The following PRAMEF1 variants were observed in gnomAD, a reference collection of about 807,000 sequenced individuals.
PRAMEF1 encodes the protein PRAME family member 1.
Under a neutral mutation model 38.2 loss-of-function variants are expected in PRAMEF1, and 21 were observed. The observed-to-expected ratio is 0.55, with a 90% CI of 0.39 to 0.79. The LOEUF (loss-of-function observed/expected upper bound fraction) is 0.79. Ranked by LOEUF, PRAMEF1 falls within the 30% of genes least tolerant of loss-of-function variation. The pLI is 0.00. For synonymous variants in PRAMEF1, 200 were observed against 229.0 expected (o/e 0.87, Z 1.14); for missense variants, 497 against 565.8 (o/e 0.88, Z 1.23).
chr1:12,793,641 G>A, intron 2 of PRAMEF1, 127 bp downstream of exon 2: 1 of 1,555,798 alleles, frequency 6.4e-7, no homozygotes, highest in Non-Finnish European at 8.7e-7. Context: ...GAAGATCAGG[G>A]AGGCTTTGGC....
At position 12,794,290 on chromosome 1, in the gene PRAMEF1, A is replaced by G; in HGVS notation, c.663A>G (p.Ile221Met). The G allele has an allele frequency of 1.2e-6, 2 of 1,612,088 alleles. No individual in the cohort carries two copies. ...EIRNMSWPRL[I>M]RKLRCYLKEM... ...GCAACATGTCCTGGCCACGTCTGATAAGAAAGCTTCGTTGTTACCTGAAGG... is the reference window on the plus strand; with the variant it reads ...GCAACATGTCCTGGCCACGTCTGATGAGAAAGCTTCGTTGTTACCTGAAGG... Residue 221 changes from isoleucine (I) to methionine (M), a missense_variant, in exon 3 of 4, where the codon ATA (isoleucine) becomes ATG (methionine). Ile to Met is a conservative substitution (Grantham distance 10). Transcript: ENST00000332296.
Position 12,793,153 on chromosome 1 carries a change from G to T in PRAMEF1, c.-25-50G>T, listed in dbSNP as rs1201366090. 6.2e-5 allele frequency: 99 copies of T among 1,587,822 alleles called. 6 individuals are homozygous for T. Among genetic ancestry groups the T allele is most frequent in the Non-Finnish European group, 8.0e-5 (93 of 1,165,140 alleles). On this transcript the variant is annotated intron_variant, in intron 1 of 3. Coordinates refer to ENST00000332296, the MANE Select transcript of PRAMEF1 (RefSeq NM_023013.4). Reference sequence around the variant, plus strand: ...CTTCCTGGTACCAGTAGAAGCAGATGATTGTCTTTGCCCTGAGAGTGACAC... The same window carrying T: ...CTTCCTGGTACCAGTAGAAGCAGATTATTGTCTTTGCCCTGAGAGTGACAC...
rs369890702 is a variant in PRAMEF1 at position 12,793,395 on chromosome 1, T to G, written c.168T>G (p.Val56=). The G allele has an allele frequency of 3.7e-4, 594 of 1,609,776 alleles. 29 individuals are homozygous for G. The African/African-American group carries it at 4.8e-3, about 13-fold the overall frequency. ...ACTTCCAGACTCTGACGGTGATGGT[T>G]CAGGCCTGGCCCTTCACCTGCCTCC... The part of the protein sequence containing the change: ...RRHFQTLTVM[V]QAWPFTCLPL... The change falls in exon 2 of 4, where the codon GTT becomes GTG. Residue 56 remains valine, a synonymous_variant. Coordinates refer to ENST00000332296, the MANE Select transcript of PRAMEF1 (RefSeq NM_023013.4).
rs545992781 is a variant in PRAMEF1, at chr1:12,794,384, G to A, written c.757G>A (p.Gly253Arg). Residue 253 changes from glycine to arginine, a missense_variant, in exon 3 of 4, where the codon GGA becomes AGA. Transcript: ENST00000332296. ...TTACACGTCAGATAATGAACTCGAA[G>A]GACGGTTAGTTGCCAAATTCAGCTC... ...HHYTSDNELEGRLVAKFSSVF... is the reference protein window; with the variant it reads ...HHYTSDNELERRLVAKFSSVF... The A allele has an allele frequency of 1.2e-5, 19 of 1,611,238 alleles. No individual in the cohort carries two copies. In the African/African-American group the frequency reaches 1.3e-4, roughly 11 times the overall value.
In PRAMEF1 at chr1:12,794,363, A is replaced by G. The variant is rs1305233032; in HGVS notation, c.736A>G (p.Thr246Ala). 6.2e-7 allele frequency: 1 copy of G among 1,612,024 alleles called. No individual in the cohort carries two copies. The highest frequency in any genetic ancestry group is 8.5e-7 in the Non-Finnish European group (1 of 1,179,028). ...KLVFSRCHHY[T>A]SDNELEGRLV... Reference sequence around the variant, plus strand: ...CGTTTTCTCCAGGTGCCATCATTACACGTCAGATAATGAACTCGAAGGACG... The same window carrying G: ...CGTTTTCTCCAGGTGCCATCATTACGCGTCAGATAATGAACTCGAAGGACG... Residue 246 changes from threonine to alanine, a missense_variant, in exon 3 of 4, where the codon ACG (threonine) becomes GCG (alanine). Thr to Ala is a moderately conservative substitution (Grantham distance 58, BLOSUM62 0). Transcript: ENST00000332296.
chr1:12,795,343 C>T, intron 3 of PRAMEF1, 95 bp from the exon 4 acceptor site: 3 of 1,214,662 alleles, frequency 2.5e-6, no homozygotes, highest in Non-Finnish European at 3.5e-6. Flanking sequence ...TGGGAACAAA[C>T]TTGTGTTTGT....
chr1:12,792,130 T>C (rs926533316), intron 1 of PRAMEF1, among the ~76,000 whole-genome samples: 1 of 151,014 alleles, frequency 6.6e-6, no homozygotes, highest in Non-Finnish European at 1.5e-5. Context: ...CATGCGATTC[T>C]CCTGCTTCAG....
At chr1:12,795,393 T>A in intron 3 of PRAMEF1, 45 bp from the exon 4 acceptor site, 1 of 1,607,334 alleles carries the variant, frequency 6.2e-7, no homozygotes, top group Non-Finnish European at 8.5e-7. Context: ...ACTACCTTCA[T>A]CTAACTGGTA....
intron 1 of PRAMEF1, 143 bp from the exon 2 acceptor site, chr1:12,793,060 G>T (rs1218880505): frequency 2.6e-6 from 3 of 1,136,734 alleles, no homozygotes; most frequent in Non-Finnish European, 3.7e-6. Flanking sequence ...ATTCAGTGGA[G>T]CAATGGAAGA....
chr1:12,794,158 A>G lies in PRAMEF1; in HGVS notation c.531A>G (p.Leu177=). Residue 177 remains leucine (L), a synonymous_variant, in exon 3 of 4, where the codon TTA becomes TTG. Transcript: ENST00000332296. ...LFQWVYQRRG[L]VHLCCSKLVN... is the part of the protein sequence containing the mutation. ...AGTGGGTTTACCAAAGGAGAGGTTTAGTACACCTGTGCTGTAGTAAGCTGG... is the reference window on the plus strand; with the variant it reads ...AGTGGGTTTACCAAAGGAGAGGTTTGGTACACCTGTGCTGTAGTAAGCTGG... The G allele has an allele frequency of 1.2e-6, 2 of 1,611,208 alleles. No individual in the cohort carries two copies. The highest frequency in any genetic ancestry group is 8.5e-7 in the Non-Finnish European group (1 of 1,178,604).
At chr1:12,792,311 C>T (rs1639308377) in intron 1 of PRAMEF1, among the ~76,000 whole-genome samples, 1 of 151,072 alleles carries the variant, frequency 6.6e-6, no homozygotes, top group African/African-American at 2.4e-5. Context: ...AGTGAGCCAC[C>T]GCGCCCAGCT....
intron 2 of PRAMEF1, among the ~76,000 whole-genome samples, 167 bp from the exon 3 acceptor site, chr1:12,793,748 A>G (rs867589809): frequency 1.3e-5 from 2 of 151,394 alleles, no homozygotes; most frequent in African/African-American, 4.8e-5. Flanking sequence ...AAGGGAATAG[A>G]AGTGGGGAAT....
intron 1 of PRAMEF1, among the ~76,000 whole-genome samples, chr1:12,792,046 G>C (rs2100295325): frequency 6.6e-6 from 1 of 150,562 alleles, no homozygotes; most frequent in Non-Finnish European, 1.5e-5. Context: ...TTTTCAGATG[G>C]AGTTTCCCTA....
In PRAMEF1 at chr1:12,795,625, A is replaced by G. The variant is rs75985223; in HGVS notation, c.1054A>G (p.Lys352Glu). Residue 352 changes from lysine to glutamate, a missense_variant, in exon 4 of 4, where the codon AAA becomes GAA. Physicochemically the swap from Lys to Glu is moderately conservative, Grantham distance 56 (BLOSUM62 1). Around this residue, in one of 2 missense-constraint regions of PRAMEF1, gnomAD observed 470 missense variants for 501.9 expected, o/e 0.94. Transcript: ENST00000332296. The stretch of plus-strand genomic sequence containing the variant: ...GCTGGAGAAAATTGCTGCCTCTCTC[A>G]AAACCCTCATCTTGGAGGGCTGTCA... ...ALLEKIAASL[K>E]TLILEGCQIH... The G allele has an allele frequency of 0.012, 17,974 of 1,498,662 alleles. 537 individuals are homozygous for G. The highest frequency in any genetic ancestry group is 0.084 in the East Asian group (2,721 of 32,238). The allele number at this position is 1,498,662 out of a possible 1,614,324, so 92.8% of individuals were successfully genotyped here. A position where few individuals can be genotyped will look rare whatever the true frequency, so the allele number is the denominator to read the frequency against.
chr1:12,795,797 T>C lies in PRAMEF1; in HGVS notation c.1226T>C (p.Leu409Pro). 6.2e-7 allele frequency: 1 copy of C among 1,610,824 alleles called. No homozygotes were observed. The highest frequency in any genetic ancestry group is 8.5e-7 in the Non-Finnish European group (1 of 1,179,432). ...RHTSGLSKLS[L>P]ETYPAPEESL... is the part of the protein sequence containing the mutation. ...ACCAGTGGGCTGAGCAAGTTAAGCC[T>C]GGAGACGTATCCTGCCCCTGAGGAG... Residue 409 changes from leucine (L) to proline (P), a missense_variant, in exon 4 of 4, where the codon CTG becomes CCG. Transcript: ENST00000332296.
rs200695310 is a variant in PRAMEF1 at position 12,795,558 on chromosome 1, C to A, written c.987C>A (p.Tyr329Ter). The change falls in exon 4 of 4, where the codon TAC becomes TAA. Residue 329 changes from tyrosine (Y) to a stop codon, truncating the protein, a stop_gained. Transcript: ENST00000332296. LOFTEE classifies it high-confidence loss of function. ...ACCTAAAGCATCTGAATCTCAGCTACGTGCTGCTGTTCCGCATCAGTCTTG... is the reference window on the plus strand; with the variant it reads ...ACCTAAAGCATCTGAATCTCAGCTAAGTGCTGCTGTTCCGCATCAGTCTTG... ...LGYLKHLNLS[Y>*]VLLFRISLEP... is the part of the protein sequence containing the mutation. 1.7e-5 allele frequency: 27 copies of A among 1,612,368 alleles called. No individual in the cohort carries two copies. Among genetic ancestry groups the A allele is most frequent in the Middle Eastern group, 3.8e-4 (2 of 5,196 alleles).
rs76932259 is a variant in PRAMEF1 at position 12,794,361 on chromosome 1, A to C, written c.734A>C (p.Tyr245Ser). 7.2e-5 allele frequency: 116 copies of C among 1,612,048 alleles called. 2 individuals carry two copies. The highest frequency in any genetic ancestry group is 6.5e-4 in the East Asian group (29 of 44,650). The change falls in exon 3 of 4, where the codon TAC becomes TCC. Residue 245 changes from tyrosine (Y) to serine (S), a missense_variant. Coordinates refer to ENST00000332296, the MANE Select transcript of PRAMEF1 (RefSeq NM_023013.4). The part of the protein sequence containing the change: ...RKLVFSRCHH[Y>S]TSDNELEGRL... Reference sequence around the variant, plus strand: ...CTCGTTTTCTCCAGGTGCCATCATTACACGTCAGATAATGAACTCGAAGGA... The same window carrying C: ...CTCGTTTTCTCCAGGTGCCATCATTCCACGTCAGATAATGAACTCGAAGGA...
Position 12,794,028 on chromosome 1 carries a change from C to G in PRAMEF1, c.401C>G (p.Thr134Arg). ...CCAGAGACCACGAGTAAGAGGCAGA[C>G]AGCAGAGGACTGTCCAAGGATGGGA... ...CFPETTSKRQ[T>R]AEDCPRMGEH... Residue 134 changes from threonine to arginine, a missense_variant, in exon 3 of 4, where the codon ACA becomes AGA. Transcript: ENST00000332296. 1 of 1,608,568 alleles carries G rather than the reference C, an allele frequency of 6.2e-7. No individual in the cohort carries two copies. The highest frequency in any genetic ancestry group is 1.3e-5 in the African/African-American group (1 of 74,680).
intron 2 of PRAMEF1, among the ~76,000 whole-genome samples, 160 bp from the exon 3 acceptor site, chr1:12,793,755 G>C (rs578100041): frequency 6.6e-6 from 1 of 151,398 alleles, no homozygotes; most frequent in East Asian, 2.0e-4. Flanking sequence ...TAGAAGTGGG[G>C]AATCAAAAGT....
Sources: allele counts gnomAD v4.1 joint callset (sites outside exome capture counted in the v4.1 genomes callset), GRCh38; gene constraint gnomAD v4.1.1; regional missense constraint gnomAD v4.1.1; transcripts MANE v1.5; gene names NCBI Gene and HGNC (gene_info 2026-07-23, HGNC 2026-07-21).